The following CACNA2D1 variants were observed in gnomAD, a reference collection of about 807,000 sequenced individuals.
CACNA2D1 encodes the protein voltage-dependent calcium channel subunit alpha-2/delta-1.
A neutral mutation model predicts 171.5 loss-of-function variants in CACNA2D1; 53 were observed. That is an observed-to-expected ratio of 0.31 (90% CI 0.25 to 0.39). The LOEUF (loss-of-function observed/expected upper bound fraction) is 0.39. Ranked by LOEUF, CACNA2D1 falls within the 10% of genes least tolerant of loss-of-function variation. CACNA2D1 has a pLI of 1.00. For synonymous variants in CACNA2D1, 442 were observed against 443.1 expected, an observed-to-expected ratio of 1.00 and a Z score of 0.03; for missense variants, 903 against 1,299.8, an observed-to-expected ratio of 0.69 and a Z score of 4.69.
rs181855225 is a variant in CACNA2D1, at chr7:81,975,851, T to G, written c.1956-1299A>C. ...TCTAATTTTCGTTGGAAAGCTCAGTTTCTGTCATTGGCAGCAAATACTCTT... is the reference window on the plus strand; with the variant it reads ...TCTAATTTTCGTTGGAAAGCTCAGTGTCTGTCATTGGCAGCAAATACTCTT... On this transcript the variant is annotated intron_variant, in intron 24 of 38. Coordinates refer to ENST00000356860, the MANE Select transcript of CACNA2D1 (RefSeq NM_000722.4). Among the ~76,000 whole-genome samples the G allele has an allele frequency of 6.2e-4, 94 of 152,216 alleles. 1 individual carries two copies. Among genetic ancestry groups the G allele is most frequent in the South Asian group, 1.2e-3 (6 of 4,820 alleles).
In CACNA2D1 at chr7:82,389,617, G is replaced by T. The variant is rs77330171; in HGVS notation, c.96-39968C>A. Among the ~76,000 whole-genome samples, 96 of 152,226 alleles carry T rather than the reference G, an allele frequency of 6.3e-4. No individual in the cohort carries two copies. The East Asian group carries it at 0.017, about 28-fold the overall frequency. On this transcript the variant is annotated intron_variant, in intron 1 of 38. Coordinates refer to ENST00000356860, the MANE Select transcript of CACNA2D1 (RefSeq NM_000722.4). ...AATCAGGAAGCTGGCCCACTTAGCT[G>T]ATGTACAGATTCGATGCCTCATTCT...
At chr7:82,376,195 T>C (rs1205337239) in intron 1 of CACNA2D1, among the ~76,000 whole-genome samples, 1 of 152,188 alleles carries the variant, frequency 6.6e-6, no homozygotes, top group African/African-American at 2.4e-5. Context: ...ACTAGGAGCT[T>C]TTAATGGATA....
At chr7:82,239,243 A>G (rs1803966061) in intron 3 of CACNA2D1, among the ~76,000 whole-genome samples, 1 of 152,056 alleles carries the variant, frequency 6.6e-6, no homozygotes, top group Admixed American at 6.6e-5. Flanking sequence ...TTGCCCCCAA[A>G]TGGCAAAAAC....
At position 81,959,702 on chromosome 7, in the gene CACNA2D1, T is replaced by C. The variant is rs1406684256; in HGVS notation, c.3076+18A>G. The C allele has an allele frequency of 1.2e-6, 2 of 1,607,754 alleles. No homozygotes were observed. Among genetic ancestry groups the C allele is most frequent in the African/African-American group, 2.7e-5 (2 of 74,774 alleles). On this transcript the variant is annotated intron_variant, in intron 37 of 38. Coordinates refer to ENST00000356860, the MANE Select transcript of CACNA2D1 (RefSeq NM_000722.4). Reference sequence around the variant, plus strand: ...AAGATGGTTTTCCTTTCCAGATAGCTCTGATGTCAAAGGATACAAGTCTGC... The same window carrying C: ...AAGATGGTTTTCCTTTCCAGATAGCCCTGATGTCAAAGGATACAAGTCTGC...
chr7:82,024,361 T>C (rs1801625802), intron 12 of CACNA2D1, among the ~76,000 whole-genome samples: 1 of 151,752 alleles, frequency 6.6e-6, no homozygotes, highest in Admixed American at 6.6e-5. Context: ...TAAGAGATGA[T>C]ATCTCATTTT....
intron 3 of CACNA2D1, among the ~76,000 whole-genome samples, chr7:82,317,349 A>C (rs1001285916): frequency 6.6e-6 from 1 of 152,240 alleles, no homozygotes; most frequent in Non-Finnish European, 1.5e-5. Context: ...CAGGCAGATC[A>C]TAGGGATAAT....
rs557917420 is a variant in CACNA2D1 at position 82,263,937 on chromosome 7, G to GT, written c.294+71197dup. Among the ~76,000 whole-genome samples the GT allele has an allele frequency of 2.8e-3, 419 of 148,962 alleles. 1 individual carries two copies. Among genetic ancestry groups the GT allele is most frequent in the Non-Finnish European group, 2.8e-3 (189 of 67,018 alleles). On this transcript the variant is annotated intron_variant, in intron 3 of 38. Transcript: ENST00000356860. ...GGCTATAAATAAACACATAATATGG[G>GT]TTTTTTTTTTCCTCTGAAAATTTGG...
At chr7:82,310,441 T>C (rs537434884) in intron 3 of CACNA2D1, among the ~76,000 whole-genome samples, 2 of 151,972 alleles carry the variant, frequency 1.3e-5, no homozygotes, top group Admixed American at 6.6e-5. Flanking sequence ...GCATAGAAAG[T>C]TGAGGGAAAA....
intron 2 of CACNA2D1, among the ~76,000 whole-genome samples, 160 bp from the exon 3 acceptor site, chr7:82,335,411 G>A (rs1039523203): frequency 7.2e-5 from 11 of 152,082 alleles, no homozygotes; most frequent in African/African-American, 2.2e-4. Flanking sequence ...GAAAAAATAT[G>A]TAAATATAAA....
At chr7:82,291,435 AAT>A (rs1304187174) in intron 3 of CACNA2D1, among the ~76,000 whole-genome samples, 4 of 136,212 alleles carry the variant, frequency 2.9e-5, no homozygotes, top group Admixed American at 7.9e-5. Context: ...TAATATATAA[AAT>A]ATATATTTTT....
chr7:82,412,280 CTTT>C (rs11419755), intron 1 of CACNA2D1, among the ~76,000 whole-genome samples: 4 of 124,846 alleles, frequency 3.2e-5, no homozygotes. Context: ...GTGCTTGTAA[CTTT>C]TTTTTTTTTT....
At chr7:82,284,160 C>G (rs939916803) in intron 3 of CACNA2D1, among the ~76,000 whole-genome samples, 6 of 149,840 alleles carry the variant, frequency 4.0e-5, no homozygotes, top group African/African-American at 1.5e-4. Context: ...CCACTGTACT[C>G]CAGCCTGGGC....
chr7:81,955,960 CTATATATATA>C (rs764892530), intron 38 of CACNA2D1, among the ~76,000 whole-genome samples: 3 of 65,826 alleles, frequency 4.6e-5, no homozygotes, highest in African/African-American at 6.1e-5. Context: ...GTCACTGTTG[CTATATATATA>C]TATATATATA....
Position 82,094,865 on chromosome 7 carries a change from G to A in CACNA2D1, c.527-9965C>T, listed in dbSNP as rs563103107. ...GCTATCCTCGTTTCTGCTCCTAGCC[G>A]TACTCTTGGGTCTTTTGTGTAACCT... On this transcript the variant is annotated intron_variant, in intron 6 of 38. Coordinates refer to ENST00000356860, the MANE Select transcript of CACNA2D1 (RefSeq NM_000722.4). 1.2e-4 allele frequency among the ~76,000 whole-genome samples: 18 copies of A among 152,174 alleles called. No homozygotes were observed. The South Asian group carries it at 2.7e-3, about 23-fold the overall frequency.
At chr7:82,158,632 T>A (rs1417526829) in intron 4 of CACNA2D1, among the ~76,000 whole-genome samples, 1 of 151,962 alleles carries the variant, frequency 6.6e-6, no homozygotes, top group Non-Finnish European at 1.5e-5. Flanking sequence ...CTTAGGTGAA[T>A]AATTTCAATT....
chr7:81,984,805 G>C, intron 21 of CACNA2D1, 94 bp from the exon 22 acceptor site: 1 of 734,896 alleles, frequency 1.4e-6, no homozygotes, highest in Non-Finnish European at 2.4e-6. Flanking sequence ...AAAATCGAAA[G>C]ATCTTCCTCA....
intron 5 of CACNA2D1, among the ~76,000 whole-genome samples, chr7:82,132,083 T>C (rs1392577538): frequency 2.0e-5 from 3 of 152,180 alleles, no homozygotes; most frequent in African/African-American, 4.8e-5. Context: ...CACTGTAATA[T>C]AGTAAATATT....
At chr7:82,420,544 CA>C (rs1247323169) in intron 1 of CACNA2D1, among the ~76,000 whole-genome samples, 1 of 152,054 alleles carries the variant, frequency 6.6e-6, no homozygotes, top group Non-Finnish European at 1.5e-5. Flanking sequence ...GAAACAGAAC[CA>C]CTCTCATTGT....
At chr7:82,359,507 A>T (rs1820846314) in intron 1 of CACNA2D1, among the ~76,000 whole-genome samples, 1 of 152,090 alleles carries the variant, frequency 6.6e-6, no homozygotes, top group South Asian at 2.1e-4. Context: ...AGCGCACTGA[A>T]CTGTTTTACA....
Sources: gnomAD v4.1 joint callset for allele counts (sites outside exome capture counted in the v4.1 genomes callset) on GRCh38, gnomAD v4.1.1 for gene constraint, MANE v1.5 for transcripts, NCBI Gene and HGNC (gene_info 2026-07-23, HGNC 2026-07-21) for gene names.